DAPK1: variants seen among roughly 807,000 people sequenced by gnomAD.
DAPK1 encodes the protein death associated protein kinase 1.
A neutral mutation model predicts 144.9 loss-of-function variants in DAPK1; 56 were observed. That is an observed-to-expected ratio of 0.39 (90% CI 0.31 to 0.48). DAPK1 has a LOEUF of 0.48. Among genes scored for constraint, DAPK1 ranks in the 20% least tolerant of loss-of-function variants. The pLI is 0.95. For synonymous variants in DAPK1, 690 were observed against 749.0 expected (o/e 0.92, Z 1.29); for missense variants, 1,454 against 1,875.4 (o/e 0.78, Z 4.15).
chr9:87,680,369 T>A lies in DAPK1; in HGVS notation c.2002-1035T>A, dbSNP rs567486756. Among the ~76,000 whole-genome samples the A allele has an allele frequency of 2.0e-5, 3 of 152,286 alleles. No homozygotes were observed. The South Asian group carries it at 6.2e-4, about 32-fold the overall frequency. Reference sequence around the variant, plus strand: ...ATCCATGTGCCTCAGCCTCCCAAAGTGCTGGGATTACAGGCGTGAGCCACC... The same window carrying A: ...ATCCATGTGCCTCAGCCTCCCAAAGAGCTGGGATTACAGGCGTGAGCCACC... On this transcript the variant is annotated intron_variant, in intron 19 of 25. Coordinates refer to ENST00000408954, the MANE Select transcript of DAPK1 (RefSeq NM_004938.4).
At chr9:87,551,257 C>T (rs561574812) in intron 2 of DAPK1, among the ~76,000 whole-genome samples, 1 of 152,068 alleles carries the variant, frequency 6.6e-6, no homozygotes, top group Admixed American at 6.5e-5. Flanking sequence ...AAGTGATTCT[C>T]CTGCCTCAGC....
rs1332117645 is a variant in DAPK1, at chr9:87,686,041, G to A, written c.2225-510G>A. On this transcript the variant is annotated intron_variant, in intron 20 of 25. Transcript: ENST00000408954. This position sits in a 1 kb window ranked among gnomAD's most constrained non-coding sequence, Gnocchi z 4.2. Reference sequence around the variant, plus strand: ...AAAAGGAGTAGCTTTCACAGTGTGTGATTCAGCATTATTTAATGCTATGGC... The same window carrying A: ...AAAAGGAGTAGCTTTCACAGTGTGTAATTCAGCATTATTTAATGCTATGGC... Among the ~76,000 whole-genome samples the A allele has an allele frequency of 6.6e-6, 1 of 152,210 alleles. No homozygotes were observed. The highest frequency in any genetic ancestry group is 1.5e-5 in the Non-Finnish European group (1 of 68,042).
chr9:87,651,255 T>C (rs943248405), intron 16 of DAPK1, among the ~76,000 whole-genome samples: 4 of 152,224 alleles, frequency 2.6e-5, no homozygotes, highest in African/African-American at 4.8e-5. Flanking sequence ...TTACTTATGT[T>C]CTATCTGATT....
At chr9:87,683,200 A>T (rs949563474) in intron 20 of DAPK1, among the ~76,000 whole-genome samples, 4 of 151,286 alleles carry the variant, frequency 2.6e-5, no homozygotes, top group African/African-American at 9.7e-5. Context: ...CTCCTGCCTC[A>T]GCCTCCCAGG....
intron 10 of DAPK1, 58 bp downstream of exon 10, chr9:87,642,116 G>A: frequency 1.4e-6 from 2 of 1,394,130 alleles, no homozygotes; most frequent in Non-Finnish European, 2.0e-6. Flanking sequence ...AGAGTAGTGT[G>A]TGGTCAGGGT....
At chr9:87,530,082 T>C (rs889845833) in intron 2 of DAPK1, among the ~76,000 whole-genome samples, 1 of 152,218 alleles carries the variant, frequency 6.6e-6, no homozygotes, top group Admixed American at 6.5e-5. Context: ...GTTTTTATTA[T>C]TTAGGCTTTC....
chr9:87,572,961 T>G (rs761916675), intron 2 of DAPK1, among the ~76,000 whole-genome samples: 5 of 152,142 alleles, frequency 3.3e-5, no homozygotes, highest in Non-Finnish European at 5.9e-5. Context: ...TGGCTGAGAT[T>G]CTGAAACACA....
intron 2 of DAPK1, among the ~76,000 whole-genome samples, chr9:87,500,686 G>T (rs1824357094): frequency 6.6e-6 from 1 of 152,086 alleles, no homozygotes; most frequent in Non-Finnish European, 1.5e-5. Flanking sequence ...CCCTGTGGTT[G>T]GCGAAGGGAG....
intron 3 of DAPK1, chr9:87,632,680 G>T: frequency 1.0e-6 from 1 of 981,658 alleles, no homozygotes; most frequent in Non-Finnish European, 1.2e-6. Flanking sequence ...AGGAAGATGA[G>T]TACCTATATA....
chr9:87,553,445 T>G (rs2118582245), intron 2 of DAPK1: 1 of 152,272 alleles, frequency 6.6e-6, no homozygotes, highest in South Asian at 2.1e-4. Flanking sequence ...CCCTGAGCAC[T>G]ATGTCTGGTG....
intron 2 of DAPK1, among the ~76,000 whole-genome samples, chr9:87,585,420 G>A (rs1453368537): frequency 6.6e-6 from 1 of 152,158 alleles, no homozygotes; most frequent in Non-Finnish European, 1.5e-5. Flanking sequence ...TTGTCTATTT[G>A]GCTTCTGTAC....
chr9:87,542,635 A>G (rs1269861745), intron 2 of DAPK1, among the ~76,000 whole-genome samples: 1 of 152,216 alleles, frequency 6.6e-6, no homozygotes, highest in Non-Finnish European at 1.5e-5. Context: ...CGGAAGGCTC[A>G]CCAAACCCTC....
intron 2 of DAPK1, among the ~76,000 whole-genome samples, chr9:87,580,246 T>C (rs960807338): frequency 2.0e-5 from 3 of 152,146 alleles, no homozygotes; most frequent in Non-Finnish European, 4.4e-5. Flanking sequence ...TCCTTTCAGT[T>C]CCTATTTTTA....
At chr9:87,575,703 AGT>A (rs1222119300) in intron 2 of DAPK1, among the ~76,000 whole-genome samples, 1 of 152,242 alleles carries the variant, frequency 6.6e-6, no homozygotes, top group Non-Finnish European at 1.5e-5. Flanking sequence ...AAGACTCATA[AGT>A]GGGCTGAACG....
At chr9:87,508,546 G>A (rs1213507985) in intron 2 of DAPK1, among the ~76,000 whole-genome samples, 1 of 151,896 alleles carries the variant, frequency 6.6e-6, no homozygotes, top group African/African-American at 2.4e-5. Context: ...GTTTCACCGT[G>A]TTAGCCAGGA....
intron 2 of DAPK1, among the ~76,000 whole-genome samples, chr9:87,571,476 A>ACACACACCCCAAC (rs771023885): frequency 3.7e-4 from 18 of 48,556 alleles, no homozygotes; most frequent in African/African-American, 5.5e-4. Context: ...CACACACACC[A>ACACACACCCCAAC]ACACACACAC....
chr9:87,673,669 G>A (rs1824259281), intron 19 of DAPK1, among the ~76,000 whole-genome samples: 1 of 152,154 alleles, frequency 6.6e-6, no homozygotes, highest in African/African-American at 2.4e-5. Flanking sequence ...AACTCGGGCA[G>A]TAGTGTGCAG....
In DAPK1 at chr9:87,618,716, GAC is replaced by G. The variant is rs553968188; in HGVS notation, c.284+13545_284+13546del. 4.2e-3 allele frequency among the ~76,000 whole-genome samples: 644 copies of G among 152,322 alleles called. 3 individuals carry two copies. Among genetic ancestry groups the G allele is most frequent in the Non-Finnish European group, 7.0e-3 (476 of 68,030 alleles). ...TGTCCAGAGTAGGCACATCTGTGGA[GAC>G]ACAAAGTAGCTGCGTGGCTGCCGAG... On this transcript the variant is annotated intron_variant, in intron 3 of 25. Coordinates refer to ENST00000408954, the MANE Select transcript of DAPK1 (RefSeq NM_004938.4).
chr9:87,644,649 CTG>C (rs1204181270), intron 11 of DAPK1, among the ~76,000 whole-genome samples: 1 of 152,068 alleles, frequency 6.6e-6, no homozygotes, highest in Admixed American at 6.5e-5. Flanking sequence ...AAGATAAAAA[CTG>C]TGACTCTAGG....
Sources: gnomAD v4.1 joint callset for allele counts (sites outside exome capture counted in the v4.1 genomes callset) on GRCh38, gnomAD v4.1.1 for gene constraint, Gnocchi (gnomAD v3.1) non-coding constraint, MANE v1.5 for transcripts, NCBI Gene and HGNC (gene_info 2026-07-23, HGNC 2026-07-21) for gene names.